VEPH1: variants seen among roughly 807,000 people sequenced by gnomAD.
VEPH1 encodes the protein ventricular zone-expressed PH domain-containing protein homolog 1.
VEPH1 carries 80 observed loss-of-function variants against 85.2 expected under a neutral mutation model. The ratio of observed to expected loss-of-function variants is 0.94; its 90% CI spans 0.78 to 1.13. VEPH1 has a LOEUF of 1.13. VEPH1 is among the 50% of genes most tolerant of loss of function. VEPH1 has a pLI of 0.00. For synonymous variants in VEPH1, 297 were observed against 348.0 expected (o/e 0.85, Z 1.63); for missense variants, 955 against 980.5 (o/e 0.97, Z 0.35).
intron 4 of VEPH1, among the ~76,000 whole-genome samples, chr3:157,457,569 T>C (rs985514634): frequency 1.5e-4 from 23 of 152,222 alleles, no homozygotes; most frequent in African/African-American, 5.1e-4. Context: ...ATACCTAGAT[T>C]ATTGGGAATT....
intron 2 of VEPH1, among the ~76,000 whole-genome samples, chr3:157,481,405 A>G (rs2109593402): frequency 6.8e-6 from 1 of 146,410 alleles, no homozygotes; most frequent in South Asian, 2.2e-4. Flanking sequence ...GAATTAGAGA[A>G]AACTATTCTA....
intron 11 of VEPH1, among the ~76,000 whole-genome samples, chr3:157,312,889 TAA>T (rs10711048): frequency 2.2e-5 from 3 of 137,188 alleles, no homozygotes; most frequent in African/African-American, 8.3e-5. Context: ...CCTGGCTAAT[TAA>T]AAAAAAACAT....
At chr3:157,399,647 A>G (rs1365346974) in intron 6 of VEPH1, among the ~76,000 whole-genome samples, 2 of 152,194 alleles carry the variant, frequency 1.3e-5, no homozygotes, top group African/African-American at 4.8e-5. Context: ...TTTAAAAAGT[A>G]TGCCACGCAG....
rs1553773125 is a variant in VEPH1, at chr3:157,369,193, A to AAAAAAAAAAAAAAC, written c.1128-4682_1128-4681insGTTTTTTTTTTTTT. Among the ~76,000 whole-genome samples, 47 of 140,630 alleles carry AAAAAAAAAAAAAAC rather than the reference A, an allele frequency of 3.3e-4. 3 individuals carry two copies. The East Asian group carries it at 8.1e-3, about 24-fold the overall frequency. The allele number at this position is 140,630 out of a possible 152,430, so 92.3% of individuals were successfully genotyped here. Reference sequence around the variant, plus strand: ...CAAAAACCAAATGAAAAAAAAAAAAAAAAAAAAAAAACCTCCTGAGGTCTA... The same window carrying AAAAAAAAAAAAAAC: ...CAAAAACCAAATGAAAAAAAAAAAAAAAAAAAAAAAAAACAAAAAAAAAAACCTCCTGAGGTCTA... On this transcript the variant is annotated intron_variant, in intron 7 of 13. Transcript: ENST00000362010.
chr3:157,334,693 C>A (rs1722800666), intron 9 of VEPH1, among the ~76,000 whole-genome samples: 2 of 152,180 alleles, frequency 1.3e-5, no homozygotes, highest in Non-Finnish European at 2.9e-5. Context: ...TTAAAAAGAG[C>A]AATCCATGAT....
At chr3:157,407,166 A>G (rs1226813067) in intron 6 of VEPH1, among the ~76,000 whole-genome samples, 2 of 152,182 alleles carry the variant, frequency 1.3e-5, no homozygotes, top group Non-Finnish European at 2.9e-5. Flanking sequence ...AACCCTCTAA[A>G]GTGGAAACAA....
intron 6 of VEPH1, among the ~76,000 whole-genome samples, chr3:157,399,481 A>C (rs1396662797): frequency 6.6e-6 from 1 of 152,148 alleles, no homozygotes; most frequent in East Asian, 1.9e-4. Flanking sequence ...ATTATTCCTC[A>C]GTCTTTTTCA....
chr3:157,386,025 A>G (rs1204219794), intron 6 of VEPH1, among the ~76,000 whole-genome samples: 11 of 152,136 alleles, frequency 7.2e-5, no homozygotes, highest in Admixed American at 3.9e-4. Flanking sequence ...TCTTTTAAGT[A>G]TTGGGAAACT....
chr3:157,313,844 G>A, intron 10 of VEPH1, 89 bp from the exon 11 acceptor site: 2 of 1,462,906 alleles, frequency 1.4e-6, no homozygotes, highest in Non-Finnish European at 1.9e-6. Context: ...GTTTAGGCTT[G>A]GTTTGAACTT....
chr3:157,305,390 G>A (rs1344307846), intron 11 of VEPH1, among the ~76,000 whole-genome samples: 4 of 152,068 alleles, frequency 2.6e-5, no homozygotes, highest in African/African-American at 9.7e-5. Flanking sequence ...GATTACAGGC[G>A]TGAGCCACCG....
At chr3:157,437,619 C>T in intron 4 of VEPH1, 2 of 1,562,592 alleles carry the variant, frequency 1.3e-6, no homozygotes, top group South Asian at 1.2e-5. Context: ...CCACGGACGA[C>T]GTCCTGCGGG....
intron 11 of VEPH1, among the ~76,000 whole-genome samples, chr3:157,300,993 C>T (rs1488469175): frequency 1.3e-5 from 2 of 152,216 alleles, no homozygotes; most frequent in African/African-American, 4.8e-5. Flanking sequence ...TGAACCTCTC[C>T]TCTTATGTTA....
intron 11 of VEPH1, among the ~76,000 whole-genome samples, chr3:157,305,414 T>C (rs1241798426): frequency 6.6e-6 from 1 of 152,080 alleles, no homozygotes; most frequent in Non-Finnish European, 1.5e-5. Context: ...CCGGCCTCTA[T>C]CTGTCTTAAA....
chr3:157,315,429 T>C (rs939732249), intron 10 of VEPH1, among the ~76,000 whole-genome samples: 2 of 152,114 alleles, frequency 1.3e-5, no homozygotes, highest in South Asian at 2.1e-4. Context: ...CAACAGAACC[T>C]GATTTAATGA....
At chr3:157,365,426 C>A (rs1726533214) in intron 7 of VEPH1, among the ~76,000 whole-genome samples, 1 of 152,072 alleles carries the variant, frequency 6.6e-6, no homozygotes. Context: ...TTTTGACACC[C>A]AATATGTGGG....
chr3:157,427,908 T>C (rs1209089863), intron 5 of VEPH1, among the ~76,000 whole-genome samples: 1 of 152,210 alleles, frequency 6.6e-6, no homozygotes, highest in East Asian at 1.9e-4. Flanking sequence ...CCCTGCAATA[T>C]GGGTGGGCCT....
intron 5 of VEPH1, among the ~76,000 whole-genome samples, chr3:157,417,037 T>C (rs1731973392): frequency 6.6e-6 from 1 of 151,346 alleles, no homozygotes; most frequent in Non-Finnish European, 1.5e-5. Flanking sequence ...GTAAACTAAA[T>C]AATAACAATT....
intron 11 of VEPH1, among the ~76,000 whole-genome samples, chr3:157,300,133 T>C (rs1718617754): frequency 6.6e-6 from 1 of 152,092 alleles, no homozygotes; most frequent in Non-Finnish European, 1.5e-5. Flanking sequence ...TTTATTCTAA[T>C]AGTATAGTGC....
intron 12 of VEPH1, among the ~76,000 whole-genome samples, chr3:157,284,321 C>A (rs887039087): frequency 6.6e-6 from 1 of 152,246 alleles, no homozygotes; most frequent in Non-Finnish European, 1.5e-5. Flanking sequence ...TTATGAATTT[C>A]TTTTAGAGCA....
Sources: allele counts gnomAD v4.1 joint callset (sites outside exome capture counted in the v4.1 genomes callset), GRCh38; gene constraint gnomAD v4.1.1; transcripts MANE v1.5; gene names NCBI Gene and HGNC (gene_info 2026-07-23, HGNC 2026-07-21).